Variants in AASDH observed in about 807,000 individuals in gnomAD.
The protein encoded by AASDH is aminoadipate-semialdehyde dehydrogenase.
AASDH carries 81 observed loss-of-function variants against 102.3 expected under a neutral mutation model. The ratio of observed to expected loss-of-function variants is 0.79; its 90% CI spans 0.66 to 0.95. AASDH has a LOEUF of 0.95. AASDH is among the 40% of genes least tolerant of loss of function. The pLI is 0.00. For synonymous variants in AASDH, 398 were observed against 454.0 expected, an observed-to-expected ratio of 0.88 and a Z score of 1.57; for missense variants, 1,203 against 1,266.2, an observed-to-expected ratio of 0.95 and a Z score of 0.76.
intron 4 of AASDH, among the ~76,000 whole-genome samples, chr4:56,374,369 G>GAAAAAAAAAAAAAAA (rs71192096): frequency 9.4e-6 from 1 of 105,880 alleles, no homozygotes. Context: ...CTCTGTCTCA[G>GAAAAAAAAAAAAAAA]AAAAAAAAAA....
In AASDH at chr4:56,354,690, C is replaced by G. The variant is rs765936831; in HGVS notation, c.1210+15G>C. Reference sequence around the variant, plus strand: ...TCTTGAAAAAAAAATTCCCAATCAACAAATATAAAACAACCTAAAAATACT... The same window carrying G: ...TCTTGAAAAAAAAATTCCCAATCAAGAAATATAAAACAACCTAAAAATACT... On this transcript the variant is annotated intron_variant, in intron 7 of 14. Transcript: ENST00000205214. 4 of 1,561,572 alleles carry G rather than the reference C, an allele frequency of 2.6e-6. No individual in the cohort carries two copies. Among genetic ancestry groups the G allele is most frequent in the Non-Finnish European group, 3.5e-6 (4 of 1,155,254 alleles).
chr4:56,352,359 T>C (rs985871063), intron 9 of AASDH, among the ~76,000 whole-genome samples: 1 of 152,032 alleles, frequency 6.6e-6, no homozygotes, highest in East Asian at 1.9e-4. Flanking sequence ...AGGGCCAAAA[T>C]AGAAAAAAGG....
chr4:56,381,799 A>C (rs1753002237), intron 3 of AASDH: 1 of 152,154 alleles, frequency 6.6e-6, no homozygotes, highest in Non-Finnish European at 1.5e-5. Context: ...CCCTTTAGTA[A>C]AACAATATTT....
intron 7 of AASDH, 96 bp from the exon 8 acceptor site, chr4:56,354,307 C>T: frequency 9.1e-7 from 1 of 1,099,454 alleles, no homozygotes; most frequent in Non-Finnish European, 1.2e-6. Flanking sequence ...GACTAAACTT[C>T]AAAATTTAAA....
At chr4:56,385,747 G>A (rs112655889) in intron 1 of AASDH, among the ~76,000 whole-genome samples, 1 of 151,802 alleles carries the variant, frequency 6.6e-6, no homozygotes, top group Non-Finnish European at 1.5e-5. Flanking sequence ...ACAAGTGCGC[G>A]CTACCATGTC....
At chr4:56,384,938 GT>G (rs1753381881) in intron 1 of AASDH, among the ~76,000 whole-genome samples, 1 of 152,140 alleles carries the variant, frequency 6.6e-6, no homozygotes, top group African/African-American at 2.4e-5. Flanking sequence ...GCCGGGCAAG[GT>G]GGCATACACC....
rs1305450505 is a variant in AASDH, at chr4:56,354,046, A to G, written c.1376T>C (p.Val459Ala). The change falls in exon 8 of 15, where the codon GTG becomes GCG. Residue 459 changes from valine (V) to alanine (A), a missense_variant. By Grantham distance (64) the Val-to-Ala change is moderately conservative. Transcript: ENST00000205214. ...RHGKRLNIELVQQVAEELQQV... is the reference protein window; with the variant it reads ...RHGKRLNIELAQQVAEELQQV... Reference sequence around the variant, plus strand: ...ATATTTAAATAGTTCTACCTGTTGCACAAGTTCAATGTTAAGACGTTTGCC... The same window carrying G: ...ATATTTAAATAGTTCTACCTGTTGCGCAAGTTCAATGTTAAGACGTTTGCC... 1.2e-6 allele frequency: 2 copies of G among 1,608,678 alleles called. No homozygotes were observed. Among genetic ancestry groups the G allele is most frequent in the East Asian group, 2.2e-5 (1 of 44,772 alleles).
chr4:56,377,034 T>A (rs1322159347), intron 4 of AASDH, among the ~76,000 whole-genome samples: 1 of 147,824 alleles, frequency 6.8e-6, no homozygotes, highest in Non-Finnish European at 1.5e-5. Context: ...GCCACTGCAC[T>A]CCAGCCTGGG....
intron 5 of AASDH, among the ~76,000 whole-genome samples, chr4:56,363,854 G>A (rs34046878): frequency 0.068 from 10,361 of 152,186 alleles, 468 homozygotes; most frequent in South Asian, 0.09. Context: ...CACCAGCAAT[G>A]GAACAAAGCT....
At chr4:56,342,512 G>A (rs926899702) in intron 14 of AASDH, among the ~76,000 whole-genome samples, 1 of 151,954 alleles carries the variant, frequency 6.6e-6, no homozygotes, top group Non-Finnish European at 1.5e-5. Flanking sequence ...CTAAAAACTG[G>A]TAATATTTTA....
At chr4:56,368,563 T>A (rs2109960271) in intron 5 of AASDH, among the ~76,000 whole-genome samples, 1 of 151,944 alleles carries the variant, frequency 6.6e-6, no homozygotes, top group Non-Finnish European at 1.5e-5. Context: ...GTTCATGTCC[T>A]TTGTAGGGAC....
rs1025303202 is a variant in AASDH, at chr4:56,368,125, T to C, written c.861+3326A>G. Among the ~76,000 whole-genome samples the C allele has an allele frequency of 1.2e-4, 18 of 151,260 alleles. 1 individual carries two copies. The highest frequency in any genetic ancestry group is 9.2e-4 in the Admixed American group (14 of 15,164). ...CAAAAAACACATGAAAAAATGCTCA[T>C]CATCACTGGCCATCAGAGAAATGCA... is the stretch of plus-strand genomic sequence containing the variant. On this transcript the variant is annotated intron_variant, in intron 5 of 14. Transcript: ENST00000205214.
chr4:56,342,844 A>G lies in AASDH; in HGVS notation c.2898T>C (p.Phe966=), dbSNP rs1747866257. The G allele has an allele frequency of 7.1e-7, 1 of 1,411,640 alleles. No homozygotes were observed. Among genetic ancestry groups the G allele is most frequent in the Non-Finnish European group, 9.3e-7 (1 of 1,076,598 alleles). The allele number at this position is 1,411,640 out of a possible 1,614,324, so 87.4% of individuals were successfully genotyped here. Residue 966 remains phenylalanine (F), a synonymous_variant, in exon 14 of 15, where the codon TTT becomes TTC. Transcript: ENST00000205214. ...TTTCTAGTTCTATTACCTGTTCTCC[A>G]AAGTGAGTAAAGCAGAGTAAATTCC... ...VDGNLLCFTH[F]GEQVWQFSTS...
chr4:56,342,696 A>G, intron 14 of AASDH, 139 bp downstream of exon 14: 1 of 238,186 alleles, frequency 4.2e-6, no homozygotes, highest in Non-Finnish European at 7.5e-6. Context: ...AGTTGTCACC[A>G]TCTGCTTTGC....
chr4:56,345,063 T>G, intron 12 of AASDH, 64 bp downstream of exon 12: 11 of 1,535,984 alleles, frequency 7.2e-6, no homozygotes, highest in Non-Finnish European at 8.9e-6. Flanking sequence ...CACCTCAGCC[T>G]CTGGAGTAAC....
chr4:56,350,811 AG>A (rs1748910326), intron 10 of AASDH, among the ~76,000 whole-genome samples: 1 of 152,192 alleles, frequency 6.6e-6, no homozygotes, highest in Non-Finnish European at 1.5e-5. Flanking sequence ...TTTTTAGACA[AG>A]GCTACACAAT....
At chr4:56,387,045 G>A (rs189401390) in intron 1 of AASDH, among the ~76,000 whole-genome samples, 31 of 152,202 alleles carry the variant, frequency 2.0e-4, no homozygotes, top group Admixed American at 1.8e-3. Flanking sequence ...TTTACGGTAT[G>A]CAACGAGTAA....
At chr4:56,365,467 A>G (rs1750881797) in intron 5 of AASDH, among the ~76,000 whole-genome samples, 1 of 152,066 alleles carries the variant, frequency 6.6e-6, no homozygotes. Context: ...AAATAGTTGG[A>G]AGTAAAGCAC....
In AASDH at chr4:56,349,729, C is replaced by T. The variant is rs568383189; in HGVS notation, c.2022G>A (p.Glu674=). Residue 674 remains glutamate, a synonymous_variant, in exon 11 of 15, where the codon GAG becomes GAA. Transcript: ENST00000205214. Reference sequence around the variant, plus strand: ...TGCTCAGTACAACAAAAGCATTAATCTCATTGTGGCAAGTGAAAGTCATGA... The same window carrying T: ...TGCTCAGTACAACAAAAGCATTAATTTCATTGTGGCAAGTGAAAGTCATGA... The part of the protein sequence containing the change: ...KAIMTFTCHN[E]INAFVVLSRG... 6.2e-7 allele frequency: 1 copy of T among 1,614,174 alleles called. No individual in the cohort carries two copies. The highest frequency in any genetic ancestry group is 2.2e-5 in the East Asian group (1 of 44,886).
Sources: gnomAD v4.1 joint callset for allele counts (sites outside exome capture counted in the v4.1 genomes callset) on GRCh38, gnomAD v4.1.1 for gene constraint, MANE v1.5 for transcripts, NCBI Gene and HGNC (gene_info 2026-07-23, HGNC 2026-07-21) for gene names.